MYOF: variants seen among roughly 807,000 people sequenced by gnomAD.
The protein encoded by MYOF is myoferlin, also known as fer-1-like 3, myoferlin.
A neutral mutation model predicts 284.2 loss-of-function variants in MYOF; 244 were observed. The observed-to-expected ratio is 0.86, with a 90% CI of 0.77 to 0.95. The LOEUF is 0.95. Among genes scored for constraint, MYOF ranks in the 40% least tolerant of loss-of-function variants. The pLI, the probability that MYOF is intolerant of heterozygous loss-of-function variation, is 0.00. For synonymous variants in MYOF, 904 were observed against 919.7 expected (o/e 0.98, Z 0.31); for missense variants, 2,496 against 2,560.6 (o/e 0.97, Z 0.54).
At chr10:93,414,817 C>G (rs192189026) in intron 5 of MYOF, among the ~76,000 whole-genome samples, 72 of 152,122 alleles carry the variant, frequency 4.7e-4, no homozygotes, top group Non-Finnish European at 8.5e-4. Context: ...AATTTCAGCT[C>G]ACTGCAGCCT....
At chr10:93,466,299 T>C (rs1269787307) in intron 1 of MYOF, among the ~76,000 whole-genome samples, 1 of 152,098 alleles carries the variant, frequency 6.6e-6, no homozygotes, top group Non-Finnish European at 1.5e-5. Flanking sequence ...GGCAACAGGA[T>C]ACAAAGCGAG....
intron 53 of MYOF, among the ~76,000 whole-genome samples, chr10:93,307,977 T>C (rs182911102): frequency 0.011 from 1,591 of 148,794 alleles, 19 homozygotes; most frequent in Middle Eastern, 0.024. Context: ...GTGCAGTGGC[T>C]CACACCTGTA....
chr10:93,440,766 C>A (rs754749325), intron 3 of MYOF, among the ~76,000 whole-genome samples: 18 of 152,192 alleles, frequency 1.2e-4, no homozygotes, highest in Non-Finnish European at 2.2e-4. Context: ...CGCCAAAGAG[C>A]CATCAGAAGA....
In MYOF at chr10:93,397,486, T is replaced by C. The variant is rs531369776; in HGVS notation, c.1222-30A>G. ...AAAATCACCAAAGCAAAAGTGTAGG[T>C]TTTCAAGTTTCTAATTTCTAAAAGT... On this transcript the variant is annotated intron_variant, in intron 13 of 53. Coordinates refer to ENST00000359263, the MANE Select transcript of MYOF (RefSeq NM_013451.4). 3 of 1,547,604 alleles carry C rather than the reference T, an allele frequency of 1.9e-6. No homozygotes were observed. The South Asian group carries it at 3.6e-5, about 18-fold the overall frequency.
intron 39 of MYOF, among the ~76,000 whole-genome samples, chr10:93,338,997 A>G (rs1041628437): frequency 2.0e-5 from 3 of 149,898 alleles, no homozygotes; most frequent in African/African-American, 7.3e-5. Context: ...GGAAGAAGGG[A>G]CAAGAAAGGC....
intron 3 of MYOF, among the ~76,000 whole-genome samples, chr10:93,444,722 C>CT (rs2056378945): frequency 6.6e-6 from 1 of 152,274 alleles, no homozygotes; most frequent in African/African-American, 2.4e-5. Flanking sequence ...CGCAGTACCT[C>CT]TTTTTTCTCC....
At position 93,309,919 on chromosome 10, in the gene MYOF, C is replaced by T. The variant is rs868349772; in HGVS notation, c.6147+101G>A. 5.0e-5 allele frequency: 71 copies of T among 1,416,614 alleles called. No individual in the cohort carries two copies. The African/African-American group carries it at 5.4e-4, about 11-fold the overall frequency. The allele number at this position is 1,416,614 out of a possible 1,614,324, so 87.8% of individuals were successfully genotyped here. A position where few individuals can be genotyped will look rare whatever the true frequency, so the allele number is the denominator to read the frequency against. ...AGGGTTACAACCCCATGCTGCTGAGCGGGTCATTCTTCTGCACAGTGGTCA... is the reference window on the plus strand; with the variant it reads ...AGGGTTACAACCCCATGCTGCTGAGTGGGTCATTCTTCTGCACAGTGGTCA... On this transcript the variant is annotated intron_variant, in intron 53 of 53. Transcript: ENST00000359263.
chr10:93,356,371 T>C (rs1175171235), intron 30 of MYOF, among the ~76,000 whole-genome samples: 2 of 152,218 alleles, frequency 1.3e-5, no homozygotes, highest in African/African-American at 4.8e-5. Flanking sequence ...AAAGAACTTG[T>C]GCCTGGGATG....
chr10:93,461,143 T>C (rs1409592430), intron 1 of MYOF, among the ~76,000 whole-genome samples: 1 of 152,154 alleles, frequency 6.6e-6, no homozygotes, highest in Non-Finnish European at 1.5e-5. Flanking sequence ...GGCTTTTGCC[T>C]GTCTCATTCT....
intron 35 of MYOF, 73 bp downstream of exon 35, chr10:93,351,124 T>G: frequency 6.8e-7 from 1 of 1,460,812 alleles, no homozygotes. Context: ...GGATTCTATG[T>G]TCTATACAAA....
At chr10:93,480,595 C>T (rs560899700) in intron 1 of MYOF, among the ~76,000 whole-genome samples, 1 of 151,380 alleles carries the variant, frequency 6.6e-6, no homozygotes, top group Non-Finnish European at 1.5e-5. Flanking sequence ...CCTGCCTCAG[C>T]CTCCCGAGTA....
chr10:93,402,182 GC>G (rs1847326653), intron 11 of MYOF, 49 bp downstream of exon 11: 4 of 1,483,406 alleles, frequency 2.7e-6, no homozygotes, highest in Non-Finnish European at 3.8e-6. Flanking sequence ...TTAACTCTTG[GC>G]CTTCTTTTTT....
At chr10:93,431,746 C>CTTTTTTTT (rs35400002) in intron 3 of MYOF, among the ~76,000 whole-genome samples, 21 of 131,786 alleles carry the variant, frequency 1.6e-4, no homozygotes, top group Non-Finnish European at 2.6e-4. Flanking sequence ...TCTTTCTTTT[C>CTTTTTTTT]TTTTTTTTTT....
At chr10:93,383,832 G>C (rs903586572) in intron 19 of MYOF, among the ~76,000 whole-genome samples, 10 of 152,130 alleles carry the variant, frequency 6.6e-5, no homozygotes, top group African/African-American at 2.4e-4. Context: ...GATGGAGAAG[G>C]ATCATGGGGA....
intron 5 of MYOF, among the ~76,000 whole-genome samples, chr10:93,410,382 C>G (rs934032104): frequency 2.6e-5 from 4 of 152,130 alleles, no homozygotes; most frequent in Non-Finnish European, 5.9e-5. Flanking sequence ...TTACCCTGCT[C>G]AGCAGAGTGA....
At chr10:93,413,885 C>T (rs696997) in intron 5 of MYOF, among the ~76,000 whole-genome samples, 124,955 of 151,902 alleles carry the variant, frequency 0.82, 53,467 homozygotes, top group Non-Finnish European at 0.95. Context: ...CTGAGCTATT[C>T]GGGAGGCTAA....
chr10:93,353,699 A>G (rs1844639567), intron 32 of MYOF, 112 bp downstream of exon 32: 2 of 844,036 alleles, frequency 2.4e-6, no homozygotes, highest in Admixed American at 5.2e-5. Flanking sequence ...AATAACCTCA[A>G]CATGTAAAGG....
intron 32 of MYOF, 64 bp from the exon 33 acceptor site, chr10:93,351,910 A>G (rs1844540170): frequency 7.2e-7 from 1 of 1,392,762 alleles, no homozygotes; most frequent in Admixed American, 2.4e-5. Context: ...AGAACCACTC[A>G]GTGCAACCAT....
chr10:93,350,050 T>C, intron 35 of MYOF, 81 bp from the exon 36 acceptor site: 1 of 1,344,226 alleles, frequency 7.4e-7, no homozygotes, highest in South Asian at 1.4e-5. Flanking sequence ...CTGTCTTAAT[T>C]ACTGGCAAAG....
Sources: allele counts gnomAD v4.1 joint callset (sites outside exome capture counted in the v4.1 genomes callset), GRCh38; gene constraint gnomAD v4.1.1; transcripts MANE v1.5; gene names NCBI Gene and HGNC (gene_info 2026-07-23, HGNC 2026-07-21).